FGF13: variants seen among roughly 807,000 people sequenced by gnomAD.
The protein encoded by FGF13 is fibroblast growth factor homologous factor 2.
In FGF13, 2 loss-of-function variants were observed where a neutral mutation model predicts 19.5. The ratio of observed to expected loss-of-function variants is 0.10; its 90% CI spans 0.04 to 0.32. The LOEUF is 0.32. Ranked by LOEUF, FGF13 falls within the 10% of genes least tolerant of loss-of-function variation. The pLI, the probability that FGF13 is intolerant of heterozygous loss-of-function variation, is 1.00. For missense variants in FGF13, 113 were observed against 192.7 expected (o/e 0.59, Z 2.45); for synonymous variants, 72 against 76.9 (o/e 0.94, Z 0.33).
At chrX:139,061,724 C>T (rs1462810748) in intron 1 of FGF13, among the ~76,000 whole-genome samples, 2 of 111,562 alleles carry the variant, frequency 1.8e-5, no homozygotes, top group African/African-American at 6.5e-5. Flanking sequence ...TCCTTGCCAA[C>T]TCTTATTAAC....
At chrX:138,858,109 C>T (rs775525003) in intron 2 of FGF13, among the ~76,000 whole-genome samples, 5 of 111,696 alleles carry the variant, frequency 4.5e-5, no homozygotes, top group Non-Finnish European at 9.4e-5. Flanking sequence ...CTGGTGAGGG[C>T]CTTACTTCCA....
At chrX:139,195,710 G>C (rs1352576370) in intron 1 of FGF13, among the ~76,000 whole-genome samples, 1 of 112,389 alleles carries the variant, frequency 8.9e-6, no homozygotes, top group Non-Finnish European at 1.9e-5. Context: ...AATACTACAT[G>C]ATTCCCAACT....
At chrX:138,932,000 AT>A (rs1055749895) in intron 1 of FGF13, among the ~76,000 whole-genome samples, 7 of 109,969 alleles carry the variant, frequency 6.4e-5, no homozygotes, top group African/African-American at 2.3e-4. Flanking sequence ...GCAGCAAACT[AT>A]CCCCCCACCC....
In FGF13 at chrX:138,997,967, T is replaced by C. The variant is rs368779358; in HGVS notation, c.-112-133317A>G. Among the ~76,000 whole-genome samples, 207 of 111,714 alleles carry C rather than the reference T, an allele frequency of 1.9e-3. 1 individual carries two copies. The highest frequency in any genetic ancestry group is 6.4e-3 in the African/African-American group (197 of 30,740). ...CGGGTTACCCACAAAGGGAAGCCCATTGGACTAACAGCAGACCTCTCTGCA... is the reference window on the plus strand; with the variant it reads ...CGGGTTACCCACAAAGGGAAGCCCACTGGACTAACAGCAGACCTCTCTGCA... On this transcript the variant is annotated intron_variant, in intron 1 of 2. Coordinates refer to the FGF13 transcript ENST00000421460.
intron 1 of FGF13, among the ~76,000 whole-genome samples, chrX:139,171,583 G>A (rs931002774): frequency 9.0e-6 from 1 of 111,532 alleles, no homozygotes; most frequent in Non-Finnish European, 1.9e-5. Context: ...TTGTCTGCCT[G>A]CTTGTCTCCC....
At chrX:138,869,133 T>G (rs1316258374) in intron 1 of FGF13, among the ~76,000 whole-genome samples, 7 of 111,622 alleles carry the variant, frequency 6.3e-5, no homozygotes, top group Admixed American at 5.7e-4. Context: ...TAGGGTGCTC[T>G]TCTTTTCCTT....
chrX:139,196,191 G>T (rs916517820), intron 1 of FGF13, among the ~76,000 whole-genome samples: 9 of 111,975 alleles, frequency 8.0e-5, no homozygotes, highest in African/African-American at 2.9e-4. Flanking sequence ...TAAACAAGTG[G>T]AGTTTTTACT....
chrX:139,095,287 G>C (rs2083463714), intron 1 of FGF13, among the ~76,000 whole-genome samples: 1 of 112,094 alleles, frequency 8.9e-6, no homozygotes, highest in African/African-American at 3.2e-5. Context: ...AGATGCTGTA[G>C]GGACAAGAAG....
intron 3 of FGF13, among the ~76,000 whole-genome samples, chrX:138,843,735 T>A (rs1014233809): frequency 1.4e-4 from 16 of 111,608 alleles, no homozygotes; most frequent in Non-Finnish European, 2.6e-4. Context: ...TCAAAAAGAA[T>A]TTTTTTCCCA....
intron 1 of FGF13, among the ~76,000 whole-genome samples, chrX:138,868,282 A>G (rs2091339739): frequency 9.0e-6 from 1 of 111,061 alleles, no homozygotes; most frequent in Admixed American, 9.6e-5. Context: ...ATGCATACTT[A>G]TGGAGGTCAC....
chrX:138,943,872 T>G (rs1432912641), intron 1 of FGF13, among the ~76,000 whole-genome samples: 1 of 111,731 alleles, frequency 9.0e-6, no homozygotes, highest in African/African-American at 3.3e-5. Context: ...CAACAGCAGC[T>G]GAAATACGCT....
At chrX:139,166,917 G>A (rs982476205) in intron 1 of FGF13, among the ~76,000 whole-genome samples, 12 of 111,236 alleles carry the variant, frequency 1.1e-4, no homozygotes, top group Admixed American at 2.9e-4. Context: ...TCCTTATCAT[G>A]ATACATGAGA....
intron 1 of FGF13, among the ~76,000 whole-genome samples, chrX:139,173,561 T>C (rs1050236754): frequency 1.8e-5 from 2 of 110,057 alleles, no homozygotes; most frequent in African/African-American, 3.3e-5. Context: ...TAGTCCCCCA[T>C]CCCCTGACAG....
At chrX:138,878,732 C>T (rs2091406148) in intron 1 of FGF13, among the ~76,000 whole-genome samples, 1 of 111,165 alleles carries the variant, frequency 9.0e-6, no homozygotes, top group Non-Finnish European at 1.9e-5. Flanking sequence ...GCCACGCTGA[C>T]TTCACAATGG....
intron 2 of FGF13, among the ~76,000 whole-genome samples, chrX:138,707,964 T>G (rs1388558943): frequency 1.8e-5 from 2 of 112,154 alleles, no homozygotes; most frequent in Non-Finnish European, 3.8e-5. Flanking sequence ...TAATGCGAAA[T>G]TATCAAAGGG....
intron 1 of FGF13, among the ~76,000 whole-genome samples, chrX:138,887,848 G>C (rs908049482): frequency 1.8e-5 from 2 of 111,613 alleles, no homozygotes; most frequent in African/African-American, 6.5e-5. Flanking sequence ...AAATGTGACT[G>C]CCTTTTTATG....
At chrX:139,192,322 T>G (rs73634009) in intron 1 of FGF13, among the ~76,000 whole-genome samples, 5,727 of 111,346 alleles carry the variant, frequency 0.051, 269 homozygotes, top group African/African-American at 0.15. Context: ...CCAGAAAAAT[T>G]GACATTTATA....
chrX:138,812,597 C>A (rs938557252), intron 3 of FGF13, among the ~76,000 whole-genome samples: 1 of 110,952 alleles, frequency 9.0e-6, no homozygotes, highest in Non-Finnish European at 1.9e-5. Flanking sequence ...CTTGGTTATA[C>A]CTTGATTTTA....
chrX:139,047,256 C>T (rs2092290387), intron 1 of FGF13, among the ~76,000 whole-genome samples: 1 of 112,288 alleles, frequency 8.9e-6, no homozygotes, highest in South Asian at 3.6e-4. Context: ...AGCACATTTT[C>T]CCAGGCTGTG....
Sources: gnomAD v4.1 joint callset for allele counts (sites outside exome capture counted in the v4.1 genomes callset) on GRCh38, gnomAD v4.1.1 for gene constraint, MANE v1.5 for transcripts, NCBI Gene and HGNC (gene_info 2026-07-23, HGNC 2026-07-21) for gene names.